The following ANK2 variants were observed in gnomAD, a reference collection of about 807,000 sequenced individuals.
The protein encoded by ANK2 is ankyrin-2.
In ANK2, 83 loss-of-function variants were observed where a neutral mutation model predicts 360.5. That is an observed-to-expected ratio of 0.23 (90% CI 0.19 to 0.28). The LOEUF (loss-of-function observed/expected upper bound fraction) is 0.28, where lower values mean the gene tolerates loss of function less well. ANK2 is among the 10% of genes least tolerant of loss of function. The probability of loss-of-function intolerance (pLI) is 1.00; values close to 1 mark genes in which losing one functional copy is unlikely to be tolerated. For synonymous variants in ANK2, 1,740 were observed against 1,759.5 expected, an observed-to-expected ratio of 0.99 and a Z score of 0.28; for missense variants, 4,201 against 4,795.7, an observed-to-expected ratio of 0.88 and a Z score of 3.66.
chr4:113,331,835 T>C (rs2092518281), intron 27 of ANK2, 137 bp from the exon 28 acceptor site: 1 of 827,204 alleles, frequency 1.2e-6, no homozygotes, highest in Non-Finnish European at 2.1e-6. Flanking sequence ...TTGTGACCAA[T>C]GGAGGGGGCA....
chr4:113,244,753 G>A (rs1056690862), intron 9 of ANK2, among the ~76,000 whole-genome samples: 1 of 152,090 alleles, frequency 6.6e-6, no homozygotes, highest in African/African-American at 2.4e-5. Context: ...TTCTCCTAAT[G>A]CTATCCCTCT....
intron 23 of ANK2, among the ~76,000 whole-genome samples, chr4:113,307,454 C>T (rs12502536): frequency 0.53 from 75,693 of 141,676 alleles, 20,968 homozygotes; most frequent in East Asian, 0.71. Context: ...CTCACTCTGT[C>T]GCCCAGGCTG....
At chr4:113,115,981 C>G (rs561375678) in intron 1 of ANK2, among the ~76,000 whole-genome samples, 2 of 152,234 alleles carry the variant, frequency 1.3e-5, no homozygotes, top group South Asian at 2.1e-4. Flanking sequence ...GATTCTGTCT[C>G]CAGCTAAGAA....
chr4:113,341,605 T>G, intron 32 of ANK2, 83 bp from the exon 33 acceptor site: 1 of 1,426,802 alleles, frequency 7.0e-7, no homozygotes, highest in Non-Finnish European at 9.8e-7. Flanking sequence ...TGTTGACTAC[T>G]TTGATCATAT....
rs1036488191 is a variant in ANK2, at chr4:113,383,425, C to G, written c.*1954C>G. On this transcript the variant is annotated 3_prime_UTR_variant, in exon 46 of 46. Coordinates refer to ENST00000357077, the MANE Select transcript of ANK2 (RefSeq NM_001148.6). ...CCTATGGCCTTCTTGTCAAAACCTT[C>G]ACTGGAGCTCAAGAAAAGCATTTCT... 2.0e-5 allele frequency: 3 copies of G among 152,616 alleles called. No homozygotes were observed. Among genetic ancestry groups the G allele is most frequent in the African/African-American group, 7.2e-5 (3 of 41,458 alleles). The allele number at this position is 152,616 out of a possible 1,614,324, so 9.5% of individuals were successfully genotyped here.
Position 113,278,468 on chromosome 4 carries a change from T to C in ANK2, c.1791T>C (p.Leu597=). Residue 597 remains leucine (L), a synonymous_variant, in exon 17 of 46, where the codon CTT becomes CTC. Transcript: ENST00000357077. ...AAACACACCCTTTACAGAACGGCCTTACCCCGCTCCATGTTGCTGCTCATT... is the reference window on the plus strand; with the variant it reads ...AAACACACCCTTTACAGAACGGCCTCACCCCGCTCCATGTTGCTGCTCATT... The part of the protein sequence containing the change: ...AAADSAGKNG[L]TPLHVAAHYD... 6.2e-7 allele frequency: 1 copy of C among 1,613,948 alleles called. No individual in the cohort carries two copies. Among genetic ancestry groups the C allele is most frequent in the Non-Finnish European group, 8.5e-7 (1 of 1,179,904 alleles).
intron 13 of ANK2, among the ~76,000 whole-genome samples, chr4:113,261,027 AGCCCTGTCAG>A (rs2052565205): frequency 6.6e-6 from 1 of 152,212 alleles, no homozygotes; most frequent in Admixed American, 6.5e-5. Flanking sequence ...AAGTCAATGT[AGCCCTGTCAG>A]CAGAGTCAGT....
the ANK2 span, among the ~76,000 whole-genome samples, chr4:112,779,728 A>C: frequency 6.6e-6 from 1 of 152,210 alleles, no homozygotes; most frequent in Non-Finnish European, 1.5e-5. Context: ...CACACATTTT[A>C]ATTTCAGGAT....
the ANK2 span, among the ~76,000 whole-genome samples, chr4:112,716,742 G>A: frequency 3.2e-4 from 48 of 152,080 alleles, no homozygotes; most frequent in African/African-American, 1.0e-3. Context: ...CTAATAATCT[G>A]TAAACATGAT....
chr4:112,777,618 CT>C, the ANK2 span, among the ~76,000 whole-genome samples: 38,397 of 128,044 alleles, frequency 0.3, 4,484 homozygotes, highest in East Asian at 0.5. Context: ...CATCTATAAT[CT>C]TTTTTTTTTT....
In ANK2 at chr4:113,040,749, AG is replaced by A. The variant is rs558073387; in HGVS notation, c.22-133665del. Reference sequence around the variant, plus strand: ...AAGCTCATCTGTGTGAAGATGACCAAGGTGTAAAGGCTACTTAGTGAGGTGG... The same window carrying A: ...AAGCTCATCTGTGTGAAGATGACCAAGTGTAAAGGCTACTTAGTGAGGTGG... On this transcript the variant is annotated intron_variant, in intron 2 of 30. Transcript: ENST00000503271. Among the ~76,000 whole-genome samples, 80 of 152,170 alleles carry A rather than the reference AG, an allele frequency of 5.3e-4. 2 individuals are homozygous for A. The South Asian group carries it at 0.015, about 28-fold the overall frequency.
At chr4:113,090,765 C>G (rs2154353217) in intron 1 of ANK2, among the ~76,000 whole-genome samples, 1 of 152,278 alleles carries the variant, frequency 6.6e-6, no homozygotes, top group Admixed American at 6.5e-5. Context: ...AATATTGGGC[C>G]AGCATTCCCA....
intron 13 of ANK2, among the ~76,000 whole-genome samples, chr4:113,259,427 T>G (rs1016118501): frequency 1.3e-5 from 2 of 152,228 alleles, no homozygotes; most frequent in Non-Finnish European, 2.9e-5. Context: ...CCAGTTTCAC[T>G]TTTTATTTGT....
intron 1 of ANK2, among the ~76,000 whole-genome samples, chr4:113,160,631 C>T (rs531584873): frequency 6.6e-6 from 1 of 152,248 alleles, no homozygotes; most frequent in East Asian, 1.9e-4. Flanking sequence ...TCCAGAAATA[C>T]TTCTCCATCT....
the ANK2 span, among the ~76,000 whole-genome samples, chr4:112,709,264 C>T: frequency 6.6e-6 from 1 of 152,082 alleles, no homozygotes; most frequent in Non-Finnish European, 1.5e-5. Flanking sequence ...AAATAGATTT[C>T]GTGGACATCA....
chr4:113,259,855 G>T (rs2051718597), intron 13 of ANK2, among the ~76,000 whole-genome samples: 1 of 141,540 alleles, frequency 7.1e-6, no homozygotes. Context: ...TTTACGTACA[G>T]GCCAGTAACA....
intron 2 of ANK2, among the ~76,000 whole-genome samples, chr4:112,913,402 C>T (rs576674110): frequency 5.6e-4 from 85 of 152,278 alleles, no homozygotes; most frequent in Non-Finnish European, 9.6e-4. Context: ...TGGGCTCAAA[C>T]GATCCTACCA....
chr4:112,732,565 T>C, the ANK2 span, among the ~76,000 whole-genome samples: 11 of 152,226 alleles, frequency 7.2e-5, no homozygotes, highest in South Asian at 2.3e-3. Context: ...ATTGTAGCAG[T>C]CAGGTTCTTG....
At chr4:112,847,257 A>G (rs2063527150) in intron 1 of ANK2, among the ~76,000 whole-genome samples, 1 of 152,148 alleles carries the variant, frequency 6.6e-6, no homozygotes, top group South Asian at 2.1e-4. Flanking sequence ...ATGTCAAAAC[A>G]AAACAAAAAC....
Sources: gnomAD v4.1 joint callset for allele counts (sites outside exome capture counted in the v4.1 genomes callset) on GRCh38, gnomAD v4.1.1 for gene constraint, MANE v1.5 for transcripts, NCBI Gene and HGNC (gene_info 2026-07-23, HGNC 2026-07-21) for gene names.